Variants in PLAG1 observed in about 807,000 individuals in gnomAD.
The protein encoded by PLAG1 is zinc finger protein PLAG1.
Under a neutral mutation model 35.5 loss-of-function variants are expected in PLAG1, and 7 were observed. The ratio of observed to expected loss-of-function variants is 0.20; its 90% CI spans 0.11 to 0.37. PLAG1 has a LOEUF of 0.37. Ranked by LOEUF, PLAG1 falls within the 10% of genes least tolerant of loss-of-function variation. PLAG1 has a pLI of 1.00. For missense variants in PLAG1, 454 were observed against 602.8 expected, an observed-to-expected ratio of 0.75 and a Z score of 2.58; for synonymous variants, 229 against 225.4, an observed-to-expected ratio of 1.02 and a Z score of -0.14.
At chr8:56,189,972 A>G (rs563344861) in intron 1 of PLAG1, among the ~76,000 whole-genome samples, 6 of 152,166 alleles carry the variant, frequency 3.9e-5, no homozygotes, top group Non-Finnish European at 7.4e-5. Flanking sequence ...AACAAGTGTA[A>G]CTGGAGATGG....
chr8:56,176,936 G>A (rs1003500068), intron 2 of PLAG1, among the ~76,000 whole-genome samples: 1 of 152,084 alleles, frequency 6.6e-6, no homozygotes, highest in Non-Finnish European at 1.5e-5. Flanking sequence ...TATTAAAATC[G>A]CAAATACAGA....
At position 56,184,865 on chromosome 8, in the gene PLAG1, T is replaced by G. The variant is rs148012792; in HGVS notation, c.-321-5352A>C. Among the ~76,000 whole-genome samples, 481 of 152,210 alleles carry G rather than the reference T, an allele frequency of 3.2e-3. 3 individuals are homozygous for G. The highest frequency in any genetic ancestry group is 0.014 in the Middle Eastern group (4 of 294). On this transcript the variant is annotated intron_variant, in intron 1 of 4. Transcript: ENST00000316981. ...TTGGGAGGCTTGAACCTGGGATGCT[T>G]GAACCTGAGAGTCGGAGGTTGCAGT...
chr8:56,191,991 G>C lies in PLAG1; in HGVS notation c.-321-12478C>G, dbSNP rs1271978399. Among the ~76,000 whole-genome samples the C allele has an allele frequency of 2.0e-5, 3 of 152,208 alleles. No homozygotes were observed. The East Asian group carries it at 5.8e-4, about 29-fold the overall frequency. ...TAACTGGGATTTTTGGTACAGGGAA[G>C]ATTAGCAGCCCCAGGTATCAAAGGG... On this transcript the variant is annotated intron_variant, in intron 1 of 4. Coordinates refer to ENST00000316981, the MANE Select transcript of PLAG1 (RefSeq NM_002655.3).
Position 56,199,728 on chromosome 8 carries a change from A to ACC in PLAG1, c.-322+11391_-322+11392dup, listed in dbSNP as rs71555634. Among the ~76,000 whole-genome samples, 530 of 148,750 alleles carry ACC rather than the reference A, an allele frequency of 3.6e-3. 1 individual carries two copies. Among genetic ancestry groups the ACC allele is most frequent in the Non-Finnish European group, 6.0e-3 (405 of 67,056 alleles). On this transcript the variant is annotated intron_variant, in intron 1 of 4. Coordinates refer to ENST00000316981, the MANE Select transcript of PLAG1 (RefSeq NM_002655.3). ...TGGCACTAGGCAGTACGTCTCCACC[A>ACC]CCCCCCCCGATCCTCCCCTACAGGA...
intron 3 of PLAG1, among the ~76,000 whole-genome samples, chr8:56,169,939 C>G (rs1811470618): frequency 6.6e-6 from 1 of 152,248 alleles, no homozygotes. Context: ...CAGACTGACA[C>G]TGACACTTGC....
Position 56,166,702 on chromosome 8 carries a change from T to G in PLAG1, c.1044A>C (p.Lys348Asn). Reference protein sequence around the residue: ...STSYAISIPEKEQPLKGEIES... With the variant: ...STSYAISIPENEQPLKGEIES... ...CAATTTCCCCCTTTAATGGCTGTTC[T>G]TTTTCAGGAATAGAAATTGCATATG... Residue 348 changes from lysine to asparagine, a missense_variant, in exon 5 of 5, where the codon AAA (lysine) becomes AAC (asparagine). Lys to Asn is a moderately conservative substitution (Grantham distance 94). Around this residue, in one of 4 missense-constraint regions of PLAG1, gnomAD observed 271 missense variants for 315.6 expected, o/e 0.86. Transcript: ENST00000316981. The G allele has an allele frequency of 1.2e-6, 2 of 1,614,068 alleles. 1 individual carries two copies. Among genetic ancestry groups the G allele is most frequent in the Middle Eastern group, 3.3e-4 (2 of 6,062 alleles).
chr8:56,166,365 G>T lies in PLAG1; in HGVS notation c.1381C>A (p.Gln461Lys). Residue 461 changes from glutamine to lysine, a missense_variant, in exon 5 of 5, where the codon CAG (glutamine) becomes AAG (lysine). Around this residue, in one of 4 missense-constraint regions of PLAG1, gnomAD observed 271 missense variants for 315.6 expected, o/e 0.86. Coordinates refer to ENST00000316981, the MANE Select transcript of PLAG1 (RefSeq NM_002655.3). ...GTGTTTGCAGGATCCTGAAGATCCT[G>T]TGTTTGTGGGGGGAGCTGGGAAACA... ...SSVSQLPPQT[Q>K]DLQDPANTIG... 6.2e-7 allele frequency: 1 copy of T among 1,613,952 alleles called. No individual in the cohort carries two copies. Among genetic ancestry groups the T allele is most frequent in the Non-Finnish European group, 8.5e-7 (1 of 1,179,872 alleles).
chr8:56,198,490 G>T (rs1295572145), intron 1 of PLAG1, among the ~76,000 whole-genome samples: 1 of 152,236 alleles, frequency 6.6e-6, no homozygotes, highest in East Asian at 1.9e-4. Flanking sequence ...ACCCTGCAAA[G>T]GACAACCCCC....
At chr8:56,207,025 T>C (rs1329720387) in intron 1 of PLAG1, among the ~76,000 whole-genome samples, 1 of 151,978 alleles carries the variant, frequency 6.6e-6, no homozygotes, top group Non-Finnish European at 1.5e-5. Context: ...CCAAAAAGAA[T>C]ATGTATTCCA....
intron 1 of PLAG1, among the ~76,000 whole-genome samples, chr8:56,208,580 TAAGAA>T (rs1289508490): frequency 6.6e-6 from 1 of 152,130 alleles, no homozygotes; most frequent in Non-Finnish European, 1.5e-5. Flanking sequence ...ACATTCTATA[TAAGAA>T]GTCTAAAAAT....
chr8:56,187,882 A>G (rs1357791307), intron 1 of PLAG1, among the ~76,000 whole-genome samples: 3 of 152,170 alleles, frequency 2.0e-5, no homozygotes, highest in African/African-American at 7.2e-5. Context: ...AACCCAAATC[A>G]CAGCTAAAGT....
At chr8:56,209,793 GCAGA>G (rs1812801354) in intron 1 of PLAG1, among the ~76,000 whole-genome samples, 1 of 152,048 alleles carries the variant, frequency 6.6e-6, no homozygotes, top group African/African-American at 2.4e-5. Flanking sequence ...TCCCTCCTCT[GCAGA>G]GCCCAGTTTA....
At chr8:56,182,826 T>C (rs1161639115) in intron 1 of PLAG1, among the ~76,000 whole-genome samples, 3 of 152,136 alleles carry the variant, frequency 2.0e-5, no homozygotes, top group Non-Finnish European at 2.9e-5. Flanking sequence ...TGGGGCATTC[T>C]TGGAAGAATC....
intron 1 of PLAG1, among the ~76,000 whole-genome samples, chr8:56,186,561 C>T (rs189992555): frequency 4.0e-5 from 6 of 151,144 alleles, no homozygotes; most frequent in African/African-American, 1.2e-4. Context: ...TTGGTAGAGA[C>T]GGGGTTTTGC....
intron 1 of PLAG1, among the ~76,000 whole-genome samples, chr8:56,194,601 ATGTG>A (rs1363970934): frequency 6.6e-6 from 1 of 150,602 alleles, no homozygotes; most frequent in South Asian, 2.1e-4. Flanking sequence ...GTGTGAATGT[ATGTG>A]TGTTTGTGTG....
chr8:56,174,348 AAGTAAGGGCAAC>A (rs1248207972), intron 2 of PLAG1, among the ~76,000 whole-genome samples: 10 of 152,226 alleles, frequency 6.6e-5, no homozygotes, highest in African/African-American at 2.4e-4. Flanking sequence ...GTCAGTTTTG[AAGTAAGGGCAAC>A]AGTATACTTA....
intron 1 of PLAG1, among the ~76,000 whole-genome samples, chr8:56,188,008 T>G (rs994573413): frequency 1.3e-5 from 2 of 152,152 alleles, no homozygotes; most frequent in African/African-American, 2.4e-5. Flanking sequence ...ATGGCTTAAC[T>G]TTGGTTGGTA....
At chr8:56,182,886 GA>G (rs1282767892) in intron 1 of PLAG1, among the ~76,000 whole-genome samples, 1 of 152,138 alleles carries the variant, frequency 6.6e-6, no homozygotes, top group Non-Finnish European at 1.5e-5. Flanking sequence ...CCCTGGATAA[GA>G]AAAGGGGCTT....
chr8:56,168,167 G>C lies in PLAG1; in HGVS notation c.103C>G (p.Pro35Ala). The change falls in exon 4 of 5, where the codon CCT (proline) becomes GCT (alanine). Residue 35 changes from proline to alanine, a missense_variant. Around this residue, in one of 4 missense-constraint regions of PLAG1, gnomAD observed 170 missense variants for 226.3 expected, o/e 0.75. Coordinates refer to ENST00000316981, the MANE Select transcript of PLAG1 (RefSeq NM_002655.3). ...AAGGCCTTGTCACACAGTTGGCAAG[G>C]AAAGTTTTTTCTTGGTTTGGTTTCA... Reference protein sequence around the residue: ...RGETKPRKNFPCQLCDKAFNS... With the variant: ...RGETKPRKNFACQLCDKAFNS... 1 of 1,613,672 alleles carries C rather than the reference G, an allele frequency of 6.2e-7. No homozygotes were observed.
Sources: allele counts gnomAD v4.1 joint callset (sites outside exome capture counted in the v4.1 genomes callset), GRCh38; gene constraint gnomAD v4.1.1; regional missense constraint gnomAD v4.1.1; transcripts MANE v1.5; gene names NCBI Gene and HGNC (gene_info 2026-07-23, HGNC 2026-07-21).